GRIA4: variants seen among roughly 807,000 people sequenced by gnomAD.
The protein encoded by GRIA4 is glutamate receptor 4.
Under a neutral mutation model 104.0 loss-of-function variants are expected in GRIA4, and 34 were observed. That is an observed-to-expected ratio of 0.33 (90% CI 0.25 to 0.44). GRIA4 has a LOEUF of 0.44. Ranked by LOEUF, GRIA4 falls within the 20% of genes least tolerant of loss-of-function variation. The pLI, the probability that GRIA4 is intolerant of heterozygous loss-of-function variation, is 1.00. For synonymous variants in GRIA4, 386 were observed against 381.9 expected (o/e 1.01, Z -0.13); for missense variants, 750 against 1,096.5 (o/e 0.68, Z 4.46).
intron 3 of GRIA4, among the ~76,000 whole-genome samples, chr11:105,653,565 C>A (rs12289154): frequency 0.015 from 2,244 of 152,220 alleles, 49 homozygotes; most frequent in African/African-American, 0.05. Context: ...TTGTCATTGA[C>A]AACAAGTAAC....
chr11:105,728,402 G>T (rs1938360687), intron 3 of GRIA4, among the ~76,000 whole-genome samples: 1 of 151,814 alleles, frequency 6.6e-6, no homozygotes, highest in Admixed American at 6.6e-5. Flanking sequence ...CACAATAATA[G>T]TGGGAGACTT....
chr11:105,880,604 T>C (rs1892877), intron 5 of GRIA4, among the ~76,000 whole-genome samples: 57,195 of 152,022 alleles, frequency 0.38, 10,903 homozygotes, highest in Non-Finnish European at 0.41. Context: ...TTTTTTTTAA[T>C]ATTTGGAATA....
chr11:105,665,304 A>T (rs1469382745), intron 3 of GRIA4, among the ~76,000 whole-genome samples: 4 of 151,990 alleles, frequency 2.6e-5, no homozygotes, highest in Admixed American at 1.3e-4. Flanking sequence ...ACTTAAGACA[A>T]TTACCTTATG....
At chr11:105,682,576 TTAGA>T (rs1952745458) in intron 3 of GRIA4, among the ~76,000 whole-genome samples, 1 of 152,226 alleles carries the variant, frequency 6.6e-6, no homozygotes, top group Non-Finnish European at 1.5e-5. Context: ...AACTCATTTC[TTAGA>T]TAGAAGTATG....
intron 3 of GRIA4, among the ~76,000 whole-genome samples, chr11:105,628,038 T>G (rs576834770): frequency 1.3e-5 from 2 of 152,128 alleles, no homozygotes; most frequent in South Asian, 4.1e-4. Context: ...AATTGCAAGA[T>G]TAAAATAATA....
intron 3 of GRIA4, among the ~76,000 whole-genome samples, chr11:105,642,212 T>A (rs1274027156): frequency 6.6e-6 from 1 of 152,096 alleles, no homozygotes; most frequent in Non-Finnish European, 1.5e-5. Context: ...GGCACACAAT[T>A]TATCCCACAA....
rs541280981 is a variant in GRIA4, at chr11:105,750,587, C to T, written c.248-2394C>T. Among the ~76,000 whole-genome samples, 37 of 151,882 alleles carry T rather than the reference C, an allele frequency of 2.4e-4. 1 individual carries two copies. In the East Asian group the frequency reaches 7.2e-3, roughly 29 times the overall value. ...TCAGAAAATATTGTTTGTTGAGGTCCAGTATAATAAATTAAAATATTAAAT... is the reference window on the plus strand; with the variant it reads ...TCAGAAAATATTGTTTGTTGAGGTCTAGTATAATAAATTAAAATATTAAAT... On this transcript the variant is annotated intron_variant, in intron 3 of 16. Transcript: ENST00000282499.
At chr11:105,650,826 A>G (rs1157122750) in intron 3 of GRIA4, among the ~76,000 whole-genome samples, 1 of 152,166 alleles carries the variant, frequency 6.6e-6, no homozygotes, top group Non-Finnish European at 1.5e-5. Flanking sequence ...TAGAAATCTC[A>G]GATGAAGATT....
At chr11:105,711,684 G>A (rs907410313) in intron 3 of GRIA4, among the ~76,000 whole-genome samples, 5 of 152,120 alleles carry the variant, frequency 3.3e-5, no homozygotes, top group Non-Finnish European at 5.9e-5. Flanking sequence ...GGGAAGTGGA[G>A]AGGAGTTATT....
intron 6 of GRIA4, among the ~76,000 whole-genome samples, chr11:105,891,181 C>T (rs551754338): frequency 9.2e-5 from 14 of 152,064 alleles, no homozygotes; most frequent in Non-Finnish European, 1.8e-4. Context: ...ATGATGATAT[C>T]GTTTGCTTAA....
At chr11:105,902,518 A>T (rs1454578930) in intron 7 of GRIA4, among the ~76,000 whole-genome samples, 1 of 151,882 alleles carries the variant, frequency 6.6e-6, no homozygotes, top group Non-Finnish European at 1.5e-5. Flanking sequence ...CAGTTTTTGT[A>T]GGGATGGGGT....
At chr11:105,824,355 C>T (rs1591310093) in intron 4 of GRIA4, among the ~76,000 whole-genome samples, 1 of 152,018 alleles carries the variant, frequency 6.6e-6, no homozygotes, top group South Asian at 2.1e-4. Context: ...GCATTTTATA[C>T]TATTTCTTAA....
chr11:105,706,493 T>G (rs1953705341), intron 3 of GRIA4: 1 of 152,782 alleles, frequency 6.5e-6, no homozygotes, highest in African/African-American at 2.4e-5. Flanking sequence ...GTTGAAGAAG[T>G]TCCAAAGTAA....
At chr11:105,811,611 G>A (rs567381501) in intron 4 of GRIA4, among the ~76,000 whole-genome samples, 50 of 152,218 alleles carry the variant, frequency 3.3e-4, no homozygotes, top group Non-Finnish European at 2.6e-4. Context: ...TGAGCTGCCC[G>A]ACAAAATGCA....
chr11:105,907,620 A>T (rs1947088710), intron 9 of GRIA4, among the ~76,000 whole-genome samples: 1 of 152,184 alleles, frequency 6.6e-6, no homozygotes, highest in Admixed American at 6.5e-5. Context: ...GAATCTTCTT[A>T]TCACTCCAGT....
chr11:105,769,047 A>C (rs562064289), intron 4 of GRIA4, among the ~76,000 whole-genome samples: 1 of 152,210 alleles, frequency 6.6e-6, no homozygotes, highest in Non-Finnish European at 1.5e-5. Context: ...CATGGAAAGT[A>C]GTCCACATTG....
chr11:105,861,325 C>G (rs1003166896), intron 4 of GRIA4, among the ~76,000 whole-genome samples: 1 of 152,142 alleles, frequency 6.6e-6, no homozygotes, highest in African/African-American at 2.4e-5. Context: ...TTGGGCCAAG[C>G]CTTTACCTTG....
chr11:105,961,448 C>G (rs911505703), intron 14 of GRIA4, among the ~76,000 whole-genome samples: 2 of 152,166 alleles, frequency 1.3e-5, no homozygotes, highest in African/African-American at 4.8e-5. Flanking sequence ...AAAAACCTCT[C>G]AGCCTCATTC....
At chr11:105,832,647 T>G (rs149741717) in intron 4 of GRIA4, among the ~76,000 whole-genome samples, 99 of 152,096 alleles carry the variant, frequency 6.5e-4, no homozygotes, top group African/African-American at 2.4e-3. Flanking sequence ...CGCTCAACTA[T>G]ATTAAAGATC....
Sources: gnomAD v4.1 joint callset for allele counts (sites outside exome capture counted in the v4.1 genomes callset) on GRCh38, gnomAD v4.1.1 for gene constraint, MANE v1.5 for transcripts, NCBI Gene and HGNC (gene_info 2026-07-23, HGNC 2026-07-21) for gene names.